SFXN5: variants seen among roughly 807,000 people sequenced by gnomAD.
SFXN5 encodes sideroflexin 5, also known as sideroflexin-5.
A neutral mutation model predicts 50.2 loss-of-function variants in SFXN5; 43 were observed. The observed-to-expected ratio is 0.86, with a 90% CI of 0.67 to 1.11. The LOEUF (loss-of-function observed/expected upper bound fraction) is 1.11, where lower values mean the gene tolerates loss of function less well. Among genes scored for constraint, SFXN5 ranks in the 50% least tolerant of loss-of-function variants. The pLI is 0.00. For synonymous variants in SFXN5, 203 were observed against 185.8 expected, an observed-to-expected ratio of 1.09 and a Z score of -0.75; for missense variants, 463 against 454.1, an observed-to-expected ratio of 1.02 and a Z score of -0.18.
At chr2:72,964,864 G>A (rs1186580358) in intron 12 of SFXN5, among the ~76,000 whole-genome samples, 9 of 152,218 alleles carry the variant, frequency 5.9e-5, no homozygotes, top group Non-Finnish European at 1.3e-4. Flanking sequence ...CCAGACACTA[G>A]GCAGGTCCCA....
rs769479684 is a variant in SFXN5 at position 73,020,198 on chromosome 2, T to C, written c.357+41A>G. The C allele has an allele frequency of 1.9e-6, 3 of 1,589,972 alleles. No homozygotes were observed. The South Asian group carries it at 3.3e-5, about 18-fold the overall frequency. On this transcript the variant is annotated intron_variant, in intron 6 of 13. Transcript: ENST00000272433. The stretch of plus-strand genomic sequence containing the variant: ...ATAACATAAAGTTAGACATTTAAAA[T>C]AATTTTTTAGAAAAGGAAATCCTTT...
chr2:72,961,182 G>T lies in SFXN5; in HGVS notation c.894C>A (p.Ala298=). 9.5e-6 allele frequency: 15 copies of T among 1,574,796 alleles called. No individual in the cohort carries two copies. The highest frequency in any genetic ancestry group is 1.4e-5 in the African/African-American group (1 of 72,648). ...LPVQSLVCLA[A]FGLALPLAIS... ...TGGCCAGCGGCAGGGCCAGGCCGAA[G>T]GCTGCCAGGCACACGAGGCTTTGCA... The change falls in exon 13 of 14, where the codon GCC becomes GCA. Residue 298 remains alanine, a synonymous_variant. Coordinates refer to ENST00000272433, the MANE Select transcript of SFXN5 (RefSeq NM_144579.3). This position sits in a 1 kb window ranked among gnomAD's most constrained non-coding sequence, Gnocchi z 4.4.
chr2:72,983,075 C>T (rs1671513519), intron 10 of SFXN5, among the ~76,000 whole-genome samples: 1 of 152,210 alleles, frequency 6.6e-6, no homozygotes, highest in Admixed American at 6.5e-5. Context: ...GTGCTCTGAC[C>T]TGGGGGTAGG....
At chr2:73,008,181 G>A (rs946424263) in intron 6 of SFXN5, among the ~76,000 whole-genome samples, 1 of 152,202 alleles carries the variant, frequency 6.6e-6, no homozygotes, top group Non-Finnish European at 1.5e-5. Flanking sequence ...TAAAATGAAG[G>A]AGTGCAAAGT....
chr2:72,946,793 C>T (rs538149318), intron 13 of SFXN5, among the ~76,000 whole-genome samples: 91 of 152,272 alleles, frequency 6.0e-4, no homozygotes, highest in Middle Eastern at 3.4e-3. Context: ...CAGCCAGTGC[C>T]GGCCTTCTAA....
chr2:72,994,369 C>A (rs891080721), intron 9 of SFXN5, among the ~76,000 whole-genome samples: 1 of 152,140 alleles, frequency 6.6e-6, no homozygotes, highest in East Asian at 1.9e-4. Context: ...GCACAGGGAT[C>A]CCCTGGAACC....
In SFXN5 at chr2:72,942,090, T is replaced by C. The variant is rs1573905696; in HGVS notation, c.*2932A>G. 1.3e-5 allele frequency: 2 copies of C among 152,094 alleles called. No individual in the cohort carries two copies. The highest frequency in any genetic ancestry group is 1.3e-4 in the Admixed American group (2 of 15,280). The allele number at this position is 152,094 out of a possible 1,614,324, so 9.4% of individuals were successfully genotyped here. Reference sequence around the variant, plus strand: ...GCTCATTAGTATTACACAAATCACATAGATTGAGAAATTTTCTGAGGTTAA... The same window carrying C: ...GCTCATTAGTATTACACAAATCACACAGATTGAGAAATTTTCTGAGGTTAA... On this transcript the variant is annotated 3_prime_UTR_variant, in exon 14 of 14. Transcript: ENST00000272433.
In SFXN5 at chr2:72,968,491, G is replaced by T; in HGVS notation, c.784C>A (p.Pro262Thr). 6.2e-7 allele frequency: 1 copy of T among 1,613,242 alleles called. No homozygotes were observed. Among genetic ancestry groups the T allele is most frequent in the Non-Finnish European group, 8.5e-7 (1 of 1,180,008 alleles). ...TALTRVVLPM[P>T]ILVLPPIVMS... ...ACGATCGGGGGTAGCACCAGGATGG[G>T]CATGGGCAGGACCACTCGCGTCAGC... Residue 262 changes from proline (P) to threonine (T), a missense_variant, in exon 12 of 14, where the codon CCC becomes ACC. Pro to Thr is a conservative substitution (Grantham distance 38, BLOSUM62 -1). Coordinates refer to ENST00000272433, the MANE Select transcript of SFXN5 (RefSeq NM_144579.3).
In SFXN5 at chr2:73,001,597, A is replaced by G; in HGVS notation, c.358-19T>C. 6.2e-7 allele frequency: 1 copy of G among 1,613,720 alleles called. No individual in the cohort carries two copies. Among genetic ancestry groups the G allele is most frequent in the Non-Finnish European group, 8.5e-7 (1 of 1,179,632 alleles). On this transcript the variant is annotated intron_variant, in intron 6 of 13. Coordinates refer to ENST00000272433, the MANE Select transcript of SFXN5 (RefSeq NM_144579.3). ...CGACTACCTATGAGCAAGAGAGAAG[A>G]AATGCTGAAAAAGGCAGAAGAAACA...
At chr2:73,056,398 T>A (rs1682131214) in intron 2 of SFXN5, among the ~76,000 whole-genome samples, 2 of 148,178 alleles carry the variant, frequency 1.3e-5, no homozygotes, top group Admixed American at 6.7e-5. Flanking sequence ...AAAAAAAGTA[T>A]GTCAAGGCCA....
At chr2:73,026,384 G>A (rs1468115226) in intron 3 of SFXN5, among the ~76,000 whole-genome samples, 3 of 151,726 alleles carry the variant, frequency 2.0e-5, no homozygotes, top group Admixed American at 6.6e-5. Context: ...ACTTGCCTCG[G>A]CCTCCCAAAC....
At chr2:72,951,616 C>A (rs1413502362) in intron 13 of SFXN5, among the ~76,000 whole-genome samples, 1 of 151,892 alleles carries the variant, frequency 6.6e-6, no homozygotes, top group African/African-American at 2.4e-5. Flanking sequence ...ACTGGATCCC[C>A]TGCCTGTGCC....
chr2:73,047,253 T>TATATATATATATATATATACACAC lies in SFXN5; in HGVS notation c.172-6323_172-6322insGTGTGTATATATATATATATATAT, dbSNP rs1553522727. Among the ~76,000 whole-genome samples the TATATATATATATATATATACACAC allele has an allele frequency of 5.3e-3, 239 of 44,856 alleles. 12 individuals carry two copies. Among genetic ancestry groups the TATATATATATATATATATACACAC allele is most frequent in the Non-Finnish European group, 8.5e-3 (198 of 23,370 alleles). The allele number at this position is 44,856 out of a possible 152,430, so 29.4% of individuals were successfully genotyped here. On this transcript the variant is annotated intron_variant, in intron 2 of 13. Coordinates refer to ENST00000272433, the MANE Select transcript of SFXN5 (RefSeq NM_144579.3). ...AAAAAAAAAAAAAAAAAAATATATATATATATATATATATATATATATACA... is the reference window on the plus strand; with the variant it reads ...AAAAAAAAAAAAAAAAAAATATATATATATATATATATATATATACACACATATATATATATATATATATATACA...
At chr2:73,011,304 C>T (rs1675466105) in intron 6 of SFXN5, among the ~76,000 whole-genome samples, 1 of 152,196 alleles carries the variant, frequency 6.6e-6, no homozygotes, top group Non-Finnish European at 1.5e-5. Context: ...ATCCTCCCAC[C>T]TTGGCCTCCC....
At chr2:73,070,135 A>C (rs1432828576) in intron 1 of SFXN5, among the ~76,000 whole-genome samples, 1 of 152,220 alleles carries the variant, frequency 6.6e-6, no homozygotes, top group East Asian at 1.9e-4. Flanking sequence ...TGAGCCTTTA[A>C]GAACGAGCAG....
Position 72,992,930 on chromosome 2 carries a change from C to T in SFXN5, c.535-4582G>A, listed in dbSNP as rs1312149741. Among the ~76,000 whole-genome samples the T allele has an allele frequency of 6.6e-6, 1 of 152,152 alleles. No homozygotes were observed. The highest frequency in any genetic ancestry group is 1.9e-4 in the East Asian group (1 of 5,200). On this transcript the variant is annotated intron_variant, in intron 9 of 13. Transcript: ENST00000272433. This position sits in a 1 kb window ranked among gnomAD's most constrained non-coding sequence, Gnocchi z 4.5. ...TGAGGAGGTGCCGTGAGGGAGTGGG[C>T]CCAAGGGTCATGAAGGCTCCTGAGG...
intron 3 of SFXN5, among the ~76,000 whole-genome samples, chr2:73,032,150 G>T (rs952029133): frequency 4.6e-5 from 7 of 152,216 alleles, no homozygotes; most frequent in African/African-American, 1.7e-4. Context: ...GCAAACAGGT[G>T]ATGGGGGAGG....
chr2:72,968,360 C>T, intron 12 of SFXN5, 88 bp downstream of exon 12: 1 of 1,279,714 alleles, frequency 7.8e-7, no homozygotes, highest in Non-Finnish European at 1.1e-6. Flanking sequence ...CTGCCACCCC[C>T]TCATCTCTTG....
At chr2:72,982,044 T>C (rs962435553) in intron 10 of SFXN5, among the ~76,000 whole-genome samples, 3 of 150,788 alleles carry the variant, frequency 2.0e-5, no homozygotes, top group African/African-American at 7.3e-5. Flanking sequence ...AAAGAACAAG[T>C]TCCCTGATGG....
Sources: gnomAD v4.1 joint callset for allele counts (sites outside exome capture counted in the v4.1 genomes callset) on GRCh38, gnomAD v4.1.1 for gene constraint, Gnocchi (gnomAD v3.1) non-coding constraint, MANE v1.5 for transcripts, NCBI Gene and HGNC (gene_info 2026-07-23, HGNC 2026-07-21) for gene names.